ATP8A1: variants seen among roughly 807,000 people sequenced by gnomAD.
ATP8A1 encodes ATPase phospholipid transporting 8A1, also known as phospholipid-transporting ATPase IA.
Under a neutral mutation model 177.7 loss-of-function variants are expected in ATP8A1, and 90 were observed. That is an observed-to-expected ratio of 0.51 (90% CI 0.43 to 0.60). The LOEUF is 0.60. Ranked by LOEUF, ATP8A1 falls within the 20% of genes least tolerant of loss-of-function variation. The pLI, the probability that ATP8A1 is intolerant of heterozygous loss-of-function variation, is 0.00. For missense variants in ATP8A1, 1,072 were observed against 1,392.8 expected (o/e 0.77, Z 3.67); for synonymous variants, 493 against 485.9 (o/e 1.01, Z -0.19).
At chr4:42,423,755 A>T in intron 33 of ATP8A1, 50 bp from the exon 34 acceptor site, 1 of 1,228,344 alleles carries the variant, frequency 8.1e-7, no homozygotes. Context: ...AAAATACATG[A>T]TTTGTGTTTA....
intron 4 of ATP8A1, among the ~76,000 whole-genome samples, chr4:42,622,813 C>T (rs1193416285): frequency 6.6e-6 from 1 of 152,106 alleles, no homozygotes; most frequent in Non-Finnish European, 1.5e-5. Flanking sequence ...AGTTCGAGAC[C>T]AGCCTGACCA....
chr4:42,623,755 T>C (rs74693639), intron 4 of ATP8A1, among the ~76,000 whole-genome samples: 2,243 of 152,216 alleles, frequency 0.015, 23 homozygotes, highest in Non-Finnish European at 0.025. Context: ...AACTAATAGA[T>C]GCTCGGTTTA....
chr4:42,625,439 T>C (rs1737959614), intron 3 of ATP8A1, 175 bp downstream of exon 3: 1 of 460,842 alleles, frequency 2.2e-6, no homozygotes, highest in Non-Finnish European at 3.9e-6. Context: ...CTGATAAAAA[T>C]GAATCAAAAG....
chr4:42,455,719 C>G, intron 27 of ATP8A1, 120 bp from the exon 28 acceptor site: 1 of 841,852 alleles, frequency 1.2e-6, no homozygotes, highest in Middle Eastern at 3.7e-4. Context: ...ACTCATGACT[C>G]TTTTGAAAAT....
At chr4:42,522,089 G>A (rs1726186308) in intron 22 of ATP8A1, 71 bp downstream of exon 22, 2 of 1,510,826 alleles carry the variant, frequency 1.3e-6, no homozygotes, top group Non-Finnish European at 1.8e-6. Context: ...TATTCCATTG[G>A]TTCCTTGAAT....
At chr4:42,546,513 A>G (rs543738983) in intron 19 of ATP8A1, among the ~76,000 whole-genome samples, 3 of 151,776 alleles carry the variant, frequency 2.0e-5, no homozygotes, top group Admixed American at 2.0e-4. Context: ...GCACACCAAC[A>G]TGGCTCATGT....
intron 20 of ATP8A1, 92 bp downstream of exon 20, chr4:42,543,825 A>T: frequency 2.3e-6 from 2 of 888,332 alleles, no homozygotes; most frequent in Non-Finnish European, 3.3e-6. Flanking sequence ...ACTTCATGTT[A>T]AACATCTGTG....
chr4:42,632,950 C>A (rs978689377), intron 1 of ATP8A1, among the ~76,000 whole-genome samples: 1 of 152,192 alleles, frequency 6.6e-6, no homozygotes, highest in Non-Finnish European at 1.5e-5. Flanking sequence ...TGCTGAGCAG[C>A]AGGCAGAAAA....
At chr4:42,495,309 C>T (rs1340975013) in intron 24 of ATP8A1, among the ~76,000 whole-genome samples, 2 of 152,320 alleles carry the variant, frequency 1.3e-5, no homozygotes, top group East Asian at 1.9e-4. Flanking sequence ...TGAGTTATGG[C>T]TCCCATAATA....
At chr4:42,612,271 T>C (rs914166070) in intron 5 of ATP8A1, among the ~76,000 whole-genome samples, 1 of 151,768 alleles carries the variant, frequency 6.6e-6, no homozygotes, top group South Asian at 2.1e-4. Flanking sequence ...TTATTATGTA[T>C]ACTGAAGTAT....
chr4:42,619,613 C>CATAT (rs55992429), intron 4 of ATP8A1, among the ~76,000 whole-genome samples: 2 of 148,926 alleles, frequency 1.3e-5, no homozygotes, highest in African/African-American at 4.9e-5. Context: ...TCTATCTACA[C>CATAT]ATATATATAT....
At chr4:42,631,701 T>A (rs1738753667) in intron 1 of ATP8A1, among the ~76,000 whole-genome samples, 2 of 152,316 alleles carry the variant, frequency 1.3e-5, no homozygotes, top group African/African-American at 4.8e-5. Context: ...TACCCCTTCC[T>A]TGACCATCTC....
intron 14 of ATP8A1, among the ~76,000 whole-genome samples, chr4:42,573,602 G>C (rs1192034269): frequency 6.6e-6 from 1 of 152,140 alleles, no homozygotes; most frequent in African/African-American, 2.4e-5. Flanking sequence ...TTTTAACCTC[G>C]TTTATACATA....
intron 1 of ATP8A1, among the ~76,000 whole-genome samples, chr4:42,643,767 G>A (rs1269539988): frequency 6.6e-6 from 1 of 152,116 alleles, no homozygotes; most frequent in Non-Finnish European, 1.5e-5. Flanking sequence ...TTCGCTGGTA[G>A]GTATTATCAC....
rs778022629 is a variant in ATP8A1 at position 42,448,396 on chromosome 4, C to CTTTACTTTTTTTTTTTTTTTTTTTTT, written c.2897-1753_2897-1752insAAAAAAAAAAAAAAAAAAAAAGTAAA. Among the ~76,000 whole-genome samples, 94 of 84,120 alleles carry CTTTACTTTTTTTTTTTTTTTTTTTTT rather than the reference C, an allele frequency of 1.1e-3. 21 individuals carry two copies. The highest frequency in any genetic ancestry group is 1.9e-3 in the Admixed American group (11 of 5,730). 55.2% of individuals were successfully genotyped at this position (84,120 alleles called of 152,430 possible). A position where few individuals can be genotyped will look rare whatever the true frequency, so the allele number is the denominator to read the frequency against. ...GTAGCCTCCCTCCCTCCTTCTCTTT[C>CTTTACTTTTTTTTTTTTTTTTTTTTT]TTTTCTTTTTTTTTTTTTTGAGATG... is the stretch of plus-strand genomic sequence containing the variant. On this transcript the variant is annotated intron_variant, in intron 30 of 36. Coordinates refer to ENST00000381668, the MANE Select transcript of ATP8A1 (RefSeq NM_006095.2).
intron 1 of ATP8A1, among the ~76,000 whole-genome samples, chr4:42,644,637 C>T (rs187478080): frequency 1.0e-3 from 159 of 151,996 alleles, no homozygotes; most frequent in Admixed American, 2.9e-3. Flanking sequence ...ATCCCCAGAG[C>T]GTCAAGTGAT....
chr4:42,633,385 C>T (rs1419056789), intron 1 of ATP8A1, among the ~76,000 whole-genome samples: 6 of 152,084 alleles, frequency 3.9e-5, no homozygotes, highest in African/African-American at 7.2e-5. Flanking sequence ...ATTTTTCATC[C>T]GAAATATCAT....
rs1727922429 is a variant in ATP8A1, at chr4:42,537,146, AC to A, written c.1722+6770del. Reference sequence around the variant, plus strand: ...AAACTCCGTCTCAAAAAAAAAAAAAACAAAAAAACCAAAAAAACCCCCACGT... The same window carrying A: ...AAACTCCGTCTCAAAAAAAAAAAAAAAAAAAAACCAAAAAAACCCCCACGT... On this transcript the variant is annotated intron_variant, in intron 20 of 36. Transcript: ENST00000381668. Among the ~76,000 whole-genome samples the A allele has an allele frequency of 3.4e-5, 5 of 145,508 alleles. No homozygotes were observed. In the Admixed American group the frequency reaches 3.5e-4, roughly 10 times the overall value.
chr4:42,523,665 T>C (rs1726375286), intron 21 of ATP8A1, among the ~76,000 whole-genome samples: 1 of 152,068 alleles, frequency 6.6e-6, no homozygotes, highest in Non-Finnish European at 1.5e-5. Flanking sequence ...ATCTATGAGT[T>C]GAGTATCTTT....
Sources: gnomAD v4.1 joint callset for allele counts (sites outside exome capture counted in the v4.1 genomes callset) on GRCh38, gnomAD v4.1.1 for gene constraint, MANE v1.5 for transcripts, NCBI Gene and HGNC (gene_info 2026-07-23, HGNC 2026-07-21) for gene names.